Variants in CCDC192 observed in about 807,000 individuals in gnomAD.
CCDC192 encodes coiled-coil domain containing 192, also known as coiled-coil domain-containing protein 192.
chr5:127,761,730 C>A (rs1222206768), intron 3 of CCDC192, among the ~76,000 whole-genome samples: 1 of 152,070 alleles, frequency 6.6e-6, no homozygotes, highest in African/African-American at 2.4e-5. Context: ...AGAGTTTTAA[C>A]TATTTTGCTA....
intron 2 of CCDC192, among the ~76,000 whole-genome samples, chr5:127,749,713 G>A (rs1194280729): frequency 1.3e-5 from 2 of 152,160 alleles, no homozygotes; most frequent in East Asian, 3.8e-4. Flanking sequence ...TTTACCTATG[G>A]TAGAATTTGG....
At chr5:127,928,778 T>G (rs1753935096) in intron 6 of CCDC192, among the ~76,000 whole-genome samples, 1 of 152,112 alleles carries the variant, frequency 6.6e-6, no homozygotes, top group African/African-American at 2.4e-5. Flanking sequence ...TTCTTTTTTT[T>G]TTTTTAAGAC....
chr5:127,779,836 G>A (rs983972637), intron 3 of CCDC192, among the ~76,000 whole-genome samples: 44 of 151,948 alleles, frequency 2.9e-4, no homozygotes, highest in African/African-American at 1.0e-3. Flanking sequence ...CCCATCACTC[G>A]AGCAGTATAC....
At chr5:127,819,983 ACT>A (rs142912628) in intron 5 of CCDC192, among the ~76,000 whole-genome samples, 7 of 151,942 alleles carry the variant, frequency 4.6e-5, no homozygotes, top group African/African-American at 1.7e-4. Context: ...ACGCACACAC[ACT>A]CTCTCACACA....
In CCDC192 at chr5:127,786,616, C is replaced by T. The variant is rs550553581; in HGVS notation, c.223-10487C>T. The stretch of plus-strand genomic sequence containing the variant: ...CGTCCTTTGTCACATTCACGGTGAA[C>T]CCAGTGTCTACTGAGGTAGGCACAA... On this transcript the variant is annotated intron_variant, in intron 3 of 6. Transcript: ENST00000514853. 21 of 751,308 alleles carry T rather than the reference C, an allele frequency of 2.8e-5. No homozygotes were observed. The African/African-American group carries it at 3.4e-4, about 12-fold the overall frequency. The allele number at this position is 751,308 out of a possible 1,614,324, so 46.5% of individuals were successfully genotyped here. A position where few individuals can be genotyped will look rare whatever the true frequency, so the allele number is the denominator to read the frequency against.
At chr5:127,741,063 T>C (rs1388165329) in intron 2 of CCDC192, among the ~76,000 whole-genome samples, 1 of 152,156 alleles carries the variant, frequency 6.6e-6, no homozygotes, top group Non-Finnish European at 1.5e-5. Flanking sequence ...TAGTTGTTGT[T>C]GTCGTCATTG....
chr5:127,838,612 C>G (rs1580732201), intron 5 of CCDC192: 1 of 152,284 alleles, frequency 6.6e-6, no homozygotes, highest in African/African-American at 2.4e-5. Context: ...CTTAGGTCCA[C>G]TGAAACCTTT....
At chr5:127,822,288 G>C (rs928954398) in intron 5 of CCDC192, among the ~76,000 whole-genome samples, 2 of 152,110 alleles carry the variant, frequency 1.3e-5, no homozygotes, top group African/African-American at 4.8e-5. Context: ...TCCCTTTTGG[G>C]GTTCAATCTG....
At chr5:127,798,386 A>G (rs1307939906) in intron 5 of CCDC192, among the ~76,000 whole-genome samples, 4 of 152,182 alleles carry the variant, frequency 2.6e-5, no homozygotes, top group Non-Finnish European at 5.9e-5. Flanking sequence ...ATATAATCAG[A>G]TGGTCTAATC....
chr5:127,741,037 T>G (rs1246403263), intron 2 of CCDC192, among the ~76,000 whole-genome samples: 1 of 152,146 alleles, frequency 6.6e-6, no homozygotes, highest in African/African-American at 2.4e-5. Context: ...TAAAAACAAA[T>G]AGATTTTTTT....
chr5:127,925,714 G>A (rs992921230), intron 6 of CCDC192, among the ~76,000 whole-genome samples: 3 of 152,078 alleles, frequency 2.0e-5, no homozygotes, highest in Non-Finnish European at 4.4e-5. Flanking sequence ...CTCCCACGTC[G>A]ACATTATTTT....
In CCDC192 at chr5:127,846,335, G is replaced by A. The variant is rs567015736; in HGVS notation, c.412-29203G>A. ...TTAAATGAATGAATACATGAAACAA[G>A]GCTGAATCTTCTCCTTGACCTCTTA... is the stretch of plus-strand genomic sequence containing the variant. On this transcript the variant is annotated intron_variant, in intron 5 of 6. Coordinates refer to ENST00000514853, the MANE Select transcript of CCDC192 (RefSeq NM_001317938.2). 7.9e-5 allele frequency among the ~76,000 whole-genome samples: 12 copies of A among 151,746 alleles called. No homozygotes were observed. In the South Asian group the frequency reaches 2.3e-3, roughly 29 times the overall value.
chr5:127,855,260 G>T lies in CCDC192; in HGVS notation c.412-20278G>T, dbSNP rs572063875. Reference sequence around the variant, plus strand: ...ACCCTGCCACTGCTATATCATCTAAGTTTATGTAATATTCTAAATTCTACT... The same window carrying T: ...ACCCTGCCACTGCTATATCATCTAATTTTATGTAATATTCTAAATTCTACT... On this transcript the variant is annotated intron_variant, in intron 5 of 6. Coordinates refer to ENST00000514853, the MANE Select transcript of CCDC192 (RefSeq NM_001317938.2). 1.2e-4 allele frequency among the ~76,000 whole-genome samples: 18 copies of T among 152,330 alleles called. 1 individual carries two copies. The South Asian group carries it at 3.3e-3, about 28-fold the overall frequency.
intron 5 of CCDC192, among the ~76,000 whole-genome samples, chr5:127,800,376 G>GAAAAAAAAAAAAAAAAAAAAA (rs1168212422): frequency 3.1e-4 from 6 of 19,512 alleles, no homozygotes; most frequent in African/African-American, 4.7e-4. Flanking sequence ...GAGGTATTCT[G>GAAAAAAAAAAAAAAAAAAAAA]AAAAAAAAAA....
intron 2 of CCDC192, among the ~76,000 whole-genome samples, chr5:127,727,251 T>C (rs1321098180): frequency 3.9e-5 from 6 of 152,014 alleles, no homozygotes; most frequent in Non-Finnish European, 8.8e-5. Context: ...AGGCAGACGA[T>C]CTTCTGAGGT....
At chr5:127,780,058 T>C (rs1756106203) in intron 3 of CCDC192, among the ~76,000 whole-genome samples, 1 of 152,172 alleles carries the variant, frequency 6.6e-6, no homozygotes, top group Non-Finnish European at 1.5e-5. Flanking sequence ...CAAATGCCAT[T>C]AATTCATTCC....
intron 5 of CCDC192, among the ~76,000 whole-genome samples, chr5:127,843,144 T>C (rs151883): frequency 0.67 from 100,056 of 149,734 alleles, 33,450 homozygotes; most frequent in Non-Finnish European, 0.7. Flanking sequence ...TCACCATTCT[T>C]CTGCCTCAGC....
At chr5:127,727,443 G>A (rs1266571995) in intron 2 of CCDC192, among the ~76,000 whole-genome samples, 1 of 151,818 alleles carries the variant, frequency 6.6e-6, no homozygotes, top group Non-Finnish European at 1.5e-5. Flanking sequence ...TTGCACTTCA[G>A]CCTGGGCAAC....
intron 6 of CCDC192, among the ~76,000 whole-genome samples, chr5:127,885,326 A>G (rs185134329): frequency 1.1e-4 from 16 of 152,318 alleles, no homozygotes; most frequent in Non-Finnish European, 1.8e-4. Context: ...GGGGAGGAAG[A>G]TACTTCCTTC....
Sources: allele counts gnomAD v4.1 joint callset (sites outside exome capture counted in the v4.1 genomes callset), GRCh38; gene constraint gnomAD v4.1.1; transcripts MANE v1.5; gene names NCBI Gene and HGNC (gene_info 2026-07-23, HGNC 2026-07-21).